The following ARB2A variants were observed in gnomAD, a reference collection of about 807,000 sequenced individuals.
ARB2A encodes the protein cotranscriptional regulator ARB2A.
the ARB2A span, among the ~76,000 whole-genome samples, chr5:93,899,238 T>A: frequency 3.3e-5 from 5 of 152,086 alleles, no homozygotes; most frequent in Admixed American, 3.3e-4. Context: ...ACATTTGGTA[T>A]CCATTAGCTA....
At chr5:93,652,482 AATTAT>A in the ARB2A span, among the ~76,000 whole-genome samples, 1 of 152,138 alleles carries the variant, frequency 6.6e-6, no homozygotes, top group African/African-American at 2.4e-5. Flanking sequence ...AGTTGTGAAA[AATTAT>A]ATTAGAGAAT....
chr5:93,932,256 C>A, the ARB2A span, among the ~76,000 whole-genome samples: 1 of 152,184 alleles, frequency 6.6e-6, no homozygotes, highest in African/African-American at 2.4e-5. Context: ...TTAAAATAAC[C>A]TACTACTAAA....
chr5:93,776,354 A>G, the ARB2A span: 2 of 703,032 alleles, frequency 2.8e-6, no homozygotes, highest in East Asian at 2.9e-5. Context: ...TATTCAATTT[A>G]TTTTCCATAC....
the ARB2A span, among the ~76,000 whole-genome samples, chr5:93,721,898 A>G: frequency 2.0e-5 from 3 of 152,316 alleles, no homozygotes; most frequent in South Asian, 6.2e-4. Context: ...TTCATGTTTC[A>G]ATAGAGCATT....
the ARB2A span, among the ~76,000 whole-genome samples, chr5:93,995,469 A>G: frequency 6.6e-6 from 1 of 152,228 alleles, no homozygotes; most frequent in Non-Finnish European, 1.5e-5. Flanking sequence ...ATTGCTAAAT[A>G]TGTTACTATA....
At chr5:93,950,129 T>G in the ARB2A span, among the ~76,000 whole-genome samples, 1 of 152,194 alleles carries the variant, frequency 6.6e-6, no homozygotes, top group Non-Finnish European at 1.5e-5. Flanking sequence ...GACACTTAGG[T>G]TGTTTCCAAA....
At chr5:93,855,973 T>C in the ARB2A span, among the ~76,000 whole-genome samples, 19 of 151,904 alleles carry the variant, frequency 1.3e-4, no homozygotes, top group African/African-American at 4.3e-4. Context: ...GAGAATGACT[T>C]TGATGAGTTG....
At chr5:93,759,775 C>T in the ARB2A span, among the ~76,000 whole-genome samples, 11 of 152,266 alleles carry the variant, frequency 7.2e-5, no homozygotes, top group Non-Finnish European at 1.6e-4. Flanking sequence ...ATATGACACA[C>T]CCACAGCCAA....
At chr5:93,942,540 A>C in the ARB2A span, among the ~76,000 whole-genome samples, 2 of 152,058 alleles carry the variant, frequency 1.3e-5, no homozygotes, top group Admixed American at 6.5e-5. Context: ...GGAAAAAAAA[A>C]CCCAATAATC....
chr5:94,098,133 C>T, the ARB2A span, among the ~76,000 whole-genome samples: 2 of 152,214 alleles, frequency 1.3e-5, no homozygotes, highest in Non-Finnish European at 2.9e-5. Context: ...CTGAAACCAA[C>T]TTAAAGAACA....
chr5:93,946,719 G>C, the ARB2A span, among the ~76,000 whole-genome samples: 1 of 152,132 alleles, frequency 6.6e-6, no homozygotes, highest in East Asian at 1.9e-4. Context: ...ATTAGGAAAA[G>C]ATAACACTTA....
At chr5:93,962,019 C>A in the ARB2A span, among the ~76,000 whole-genome samples, 3 of 152,086 alleles carry the variant, frequency 2.0e-5, no homozygotes, top group Admixed American at 6.5e-5. Flanking sequence ...TAGTAAGATA[C>A]CTATATTAAT....
chr5:93,973,883 C>CA, the ARB2A span, among the ~76,000 whole-genome samples: 9 of 152,056 alleles, frequency 5.9e-5, no homozygotes, highest in Non-Finnish European at 8.8e-5. Context: ...TGATCACTAG[C>CA]AAAAAATGCC....
chr5:94,002,405 T>A, the ARB2A span, among the ~76,000 whole-genome samples: 1 of 151,972 alleles, frequency 6.6e-6, no homozygotes, highest in Non-Finnish European at 1.5e-5. Flanking sequence ...ACTCTTACAC[T>A]TGTCTGCACT....
the ARB2A span, among the ~76,000 whole-genome samples, chr5:93,877,854 G>A: frequency 3.9e-5 from 6 of 152,106 alleles, no homozygotes; most frequent in Non-Finnish European, 7.4e-5. Context: ...ATTCCATAAA[G>A]CACAAAGTTT....
chr5:93,848,918 CT>C, the ARB2A span, among the ~76,000 whole-genome samples: 2 of 152,130 alleles, frequency 1.3e-5, no homozygotes, highest in Non-Finnish European at 2.9e-5. Flanking sequence ...TTAAAAATGG[CT>C]TTTGGCAGCA....
the ARB2A span, among the ~76,000 whole-genome samples, chr5:93,984,706 T>C: frequency 6.6e-6 from 1 of 152,220 alleles, no homozygotes; most frequent in Non-Finnish European, 1.5e-5. Context: ...CTCATTTGTG[T>C]ACTGAACTAT....
At chr5:94,081,214 T>C in the ARB2A span, among the ~76,000 whole-genome samples, 1 of 152,208 alleles carries the variant, frequency 6.6e-6, no homozygotes, top group Non-Finnish European at 1.5e-5. Context: ...AGAAACTGGA[T>C]ACCTGATATA....
At chr5:93,640,384 G>C in the ARB2A span, among the ~76,000 whole-genome samples, 1 of 151,924 alleles carries the variant, frequency 6.6e-6, no homozygotes, top group Non-Finnish European at 1.5e-5. Context: ...GTGAGGCAGA[G>C]GTCGCAGTGA....
Sources: allele counts gnomAD v4.1 joint callset (sites outside exome capture counted in the v4.1 genomes callset), GRCh38; gene constraint gnomAD v4.1.1; transcripts MANE v1.5; gene names NCBI Gene and HGNC (gene_info 2026-07-23, HGNC 2026-07-21).